The following SLC44A3 variants were observed in gnomAD, a reference collection of about 807,000 sequenced individuals.
SLC44A3 encodes the protein choline transporter-like protein 3.
A neutral mutation model predicts 75.4 loss-of-function variants in SLC44A3; 74 were observed. The observed-to-expected ratio is 0.98, with a 90% CI of 0.81 to 1.19. The LOEUF is 1.19. SLC44A3 is among the 50% of genes most tolerant of loss of function. SLC44A3 has a pLI of 0.00. For synonymous variants in SLC44A3, 310 were observed against 296.9 expected (o/e 1.04, Z -0.45); for missense variants, 700 against 778.6 (o/e 0.90, Z 1.20).
chr1:94,853,429 A>C (rs188704365), intron 9 of SLC44A3, among the ~76,000 whole-genome samples: 1 of 152,352 alleles, frequency 6.6e-6, no homozygotes, highest in Admixed American at 6.5e-5. Flanking sequence ...GAAAGAGTCC[A>C]CAGTAGATTT....
At position 94,894,828 on chromosome 1, in the gene SLC44A3, A is replaced by G. The variant is rs1670601835; in HGVS notation, c.1868A>G (p.Lys623Arg). The G allele has an allele frequency of 3.1e-6, 5 of 1,610,410 alleles. No individual in the cohort carries two copies. The highest frequency in any genetic ancestry group is 4.2e-6 in the Non-Finnish European group (5 of 1,177,966). ...TCTTTTGTTTTTCAGAGTTTCGTAA[A>G]AAGGAGCAACAAATTAAACAATGCA... ...FMDQEFLSFV[K>R]RSNKLNNARA... Residue 623 changes from lysine (K) to arginine (R), a missense_variant, in exon 15 of 15, where the codon AAA (lysine) becomes AGA (arginine). Physicochemically the swap from Lys to Arg is conservative, Grantham distance 26. Coordinates refer to ENST00000271227, the MANE Select transcript of SLC44A3 (RefSeq NM_001114106.3).
chr1:94,849,348 C>A (rs1664888313), intron 9 of SLC44A3, among the ~76,000 whole-genome samples: 1 of 152,002 alleles, frequency 6.6e-6, no homozygotes, highest in Non-Finnish European at 1.5e-5. Flanking sequence ...AGAGCCACCA[C>A]CCCCCTTCCC....
chr1:94,834,909 G>T (rs1417887696), intron 5 of SLC44A3, among the ~76,000 whole-genome samples: 1 of 152,146 alleles, frequency 6.6e-6, no homozygotes, highest in African/African-American at 2.4e-5. Flanking sequence ...ACTTTACAAG[G>T]AGAAACCCGG....
chr1:94,865,635 T>C (rs1402180737), intron 11 of SLC44A3, among the ~76,000 whole-genome samples: 1 of 152,214 alleles, frequency 6.6e-6, no homozygotes, highest in East Asian at 1.9e-4. Flanking sequence ...ATTTCTGGCC[T>C]GCCAAACAAG....
intron 11 of SLC44A3, among the ~76,000 whole-genome samples, chr1:94,866,084 G>A (rs1341762374): frequency 6.6e-6 from 1 of 152,120 alleles, no homozygotes; most frequent in African/African-American, 2.4e-5. Flanking sequence ...GGCAAAACTA[G>A]CTACTTTTGG....
chr1:94,820,465 G>A lies in SLC44A3; in HGVS notation c.14G>A (p.Gly5Asp). 1.3e-6 allele frequency: 2 copies of A among 1,495,088 alleles called. No homozygotes were observed. Among genetic ancestry groups the A allele is most frequent in the Non-Finnish European group, 1.8e-6 (2 of 1,126,280 alleles). 92.6% of individuals were successfully genotyped at this position (1,495,088 alleles called of 1,614,324 possible). A position where few individuals can be genotyped will look rare whatever the true frequency, so the allele number is the denominator to read the frequency against. ...GGCGAGCGCACGATGCACTGCCTGG[G>A]CGCCGAGTACCTGGTAAGCGCTCGC... MHCL[G>D]AEYLVSAEGA... Residue 5 changes from glycine to aspartate, a missense_variant, in exon 1 of 15, where the codon GGC becomes GAC. Coordinates refer to ENST00000271227, the MANE Select transcript of SLC44A3 (RefSeq NM_001114106.3).
chr1:94,874,736 C>T (rs1668102874), intron 12 of SLC44A3, among the ~76,000 whole-genome samples: 1 of 152,150 alleles, frequency 6.6e-6, no homozygotes, highest in Admixed American at 6.5e-5. Context: ...CTACCTATAG[C>T]CTCACAAAGT....
chr1:94,849,624 G>A (rs1015875044), intron 9 of SLC44A3, among the ~76,000 whole-genome samples: 4 of 152,214 alleles, frequency 2.6e-5, no homozygotes, highest in African/African-American at 9.6e-5. Flanking sequence ...CGAGCCCGCT[G>A]CACAGTGCCC....
At position 94,845,379 on chromosome 1, in the gene SLC44A3, G is replaced by A. The variant is rs368897369; in HGVS notation, c.987G>A (p.Leu329=). Residue 329 remains leucine, a synonymous_variant, in exon 9 of 15, where the codon CTG becomes CTA. Transcript: ENST00000271227. The part of the protein sequence containing the change: ...TNKAISSAPF[L]LFQPLWTFAI... ...AAGCCATCAGCAGTGCTCCCTTCCT[G>A]CTGTTCCAGCCACTGTGGACATTTG... 1 of 1,613,984 alleles carries A rather than the reference G, an allele frequency of 6.2e-7. No individual in the cohort carries two copies. The highest frequency in any genetic ancestry group is 1.3e-5 in the African/African-American group (1 of 74,916).
At chr1:94,827,215 A>G (rs767051069) in intron 3 of SLC44A3, among the ~76,000 whole-genome samples, 10 of 152,198 alleles carry the variant, frequency 6.6e-5, no homozygotes, top group Non-Finnish European at 8.8e-5. Context: ...AGTTTAACCA[A>G]TTGCTTCTTT....
chr1:94,892,169 G>GTGCACACAAACGT, intron 13 of SLC44A3, 112 bp from the exon 14 acceptor site: 1 of 962,144 alleles, frequency 1.0e-6, no homozygotes, highest in Non-Finnish European at 1.6e-6. Context: ...CTTTACAATA[G>GTGCACACAAACGT]TGCACACACA....
intron 9 of SLC44A3, among the ~76,000 whole-genome samples, chr1:94,850,224 C>T (rs1047706099): frequency 1.3e-5 from 2 of 151,976 alleles, no homozygotes; most frequent in Admixed American, 1.3e-4. Context: ...ATATCAAGCC[C>T]CCATCTTGCA....
Position 94,892,364 on chromosome 1 carries a change from G to C in SLC44A3, c.1704G>C (p.Leu568=), listed in dbSNP as rs376962705. The C allele has an allele frequency of 6.2e-7, 1 of 1,614,150 alleles. No homozygotes were observed. The highest frequency in any genetic ancestry group is 8.5e-7 in the Non-Finnish European group (1 of 1,180,024). Residue 568 remains leucine, a synonymous_variant, in exon 14 of 15, where the codon CTG becomes CTC. Transcript: ENST00000271227. The part of the protein sequence containing the change: ...NRAFQVWAVP[L]LLVAFFAYLV... ...CATTCCAGGTGTGGGCAGTCCCTCT[G>C]TTATTGGTAGCTTTTTTTGCCTACT...
chr1:94,860,296 A>G (rs952820673), intron 10 of SLC44A3, among the ~76,000 whole-genome samples: 1 of 152,212 alleles, frequency 6.6e-6, no homozygotes, highest in Admixed American at 6.5e-5. Flanking sequence ...AACATTTTCT[A>G]TTGAAGGATT....
chr1:94,822,581 C>T (rs1396857488), intron 2 of SLC44A3, among the ~76,000 whole-genome samples: 1 of 152,108 alleles, frequency 6.6e-6, no homozygotes, highest in Non-Finnish European at 1.5e-5. Flanking sequence ...TAGGGCTGGA[C>T]AAAGGCTTGG....
At chr1:94,861,559 T>C (rs1325015410) in intron 10 of SLC44A3, among the ~76,000 whole-genome samples, 1 of 152,256 alleles carries the variant, frequency 6.6e-6, no homozygotes, top group African/African-American at 2.4e-5. Context: ...GATTTATTTT[T>C]AGCACAACTA....
intron 9 of SLC44A3, among the ~76,000 whole-genome samples, chr1:94,848,700 T>C (rs567045166): frequency 9.2e-5 from 14 of 152,096 alleles, no homozygotes; most frequent in South Asian, 4.2e-4. Flanking sequence ...GGGAACAGGA[T>C]TGAGGTCGAC....
In SLC44A3 at chr1:94,894,842, T is replaced by C. The variant is rs1253594186; in HGVS notation, c.1882T>C (p.Leu628=). 6.2e-7 allele frequency: 1 copy of C among 1,611,548 alleles called. No homozygotes were observed. Among genetic ancestry groups the C allele is most frequent in the African/African-American group, 1.3e-5 (1 of 74,816 alleles). Residue 628 remains leucine (L), a synonymous_variant, in exon 15 of 15, where the codon TTA becomes CTA. Coordinates refer to ENST00000271227, the MANE Select transcript of SLC44A3 (RefSeq NM_001114106.3). ...FLSFVKRSNK[L]NNARAQQDKH... ...GAGTTTCGTAAAAAGGAGCAACAAA[T>C]TAAACAATGCAAGGGCACAGCAGGA...
intron 12 of SLC44A3, among the ~76,000 whole-genome samples, chr1:94,890,557 C>G (rs561447866): frequency 6.6e-6 from 1 of 152,346 alleles, no homozygotes; most frequent in African/African-American, 2.4e-5. Flanking sequence ...GTTGAAGGAG[C>G]TCACTTCCCT....
Sources: allele counts gnomAD v4.1 joint callset (sites outside exome capture counted in the v4.1 genomes callset), GRCh38; gene constraint gnomAD v4.1.1; transcripts MANE v1.5; gene names NCBI Gene and HGNC (gene_info 2026-07-23, HGNC 2026-07-21).